The following SLC44A5 variants were observed in gnomAD, a reference collection of about 807,000 sequenced individuals.
The protein encoded by SLC44A5 is solute carrier family 44 member 5, also known as choline transporter-like protein 5.
In SLC44A5, 57 loss-of-function variants were observed where a neutral mutation model predicts 101.8. The ratio of observed to expected loss-of-function variants is 0.56; its 90% CI spans 0.45 to 0.70. SLC44A5 has a LOEUF of 0.70. Ranked by LOEUF, SLC44A5 falls within the 30% of genes least tolerant of loss-of-function variation. The probability of loss-of-function intolerance (pLI) is 0.00; values close to 1 mark genes in which losing one functional copy is unlikely to be tolerated. For synonymous variants in SLC44A5, 281 were observed against 290.9 expected, an observed-to-expected ratio of 0.97 and a Z score of 0.35; for missense variants, 737 against 853.1, an observed-to-expected ratio of 0.86 and a Z score of 1.70.
At chr1:75,719,318 A>G in the SLC44A5 span, among the ~76,000 whole-genome samples, 2 of 152,322 alleles carry the variant, frequency 1.3e-5, no homozygotes, top group African/African-American at 4.8e-5. Flanking sequence ...TGATAGTTCT[A>G]GCAAAGCCAA....
rs543845979 is a variant in SLC44A5 at position 75,360,409 on chromosome 1, AT to A, written c.53-20780del. ...GGTTTTGAACTCCTGGCTTCAAGTG[AT>A]CCTCCCACCTTGGCCTCTCAAAGTG... On this transcript the variant is annotated intron_variant, in intron 3 of 23. Transcript: ENST00000370859. 9.2e-3 allele frequency among the ~76,000 whole-genome samples: 1,395 copies of A among 152,152 alleles called. 27 individuals are homozygous for A. The highest frequency in any genetic ancestry group is 0.032 in the African/African-American group (1,336 of 41,498).
chr1:75,283,702 T>C (rs1652806424), intron 5 of SLC44A5, among the ~76,000 whole-genome samples: 1 of 152,170 alleles, frequency 6.6e-6, no homozygotes, highest in Non-Finnish European at 1.5e-5. Context: ...TCCAGTTTTA[T>C]TCTTCTACAT....
At chr1:75,654,779 A>G in the SLC44A5 span, among the ~76,000 whole-genome samples, 7 of 152,002 alleles carry the variant, frequency 4.6e-5, no homozygotes, top group Non-Finnish European at 7.4e-5. Context: ...CTTCCCCCCA[A>G]AACTTTTCCC....
chr1:75,639,275 T>C, the SLC44A5 span, among the ~76,000 whole-genome samples: 1 of 152,130 alleles, frequency 6.6e-6, no homozygotes, highest in Admixed American at 6.6e-5. Flanking sequence ...GAATCCACAA[T>C]GTATGTATAC....
At chr1:75,390,948 AAG>A in intron 3 of SLC44A5, among the ~76,000 whole-genome samples, 1 of 152,260 alleles carries the variant, frequency 6.6e-6, no homozygotes, top group South Asian at 2.1e-4. Flanking sequence ...GAAAACTCTA[AAG>A]ACTCTCTTGA....
intron 1 of SLC44A5, among the ~76,000 whole-genome samples, chr1:75,586,595 CA>C (rs780211506): frequency 1.8e-4 from 27 of 151,438 alleles, no homozygotes; most frequent in Middle Eastern, 6.9e-3. Flanking sequence ...ACTCCTTTCT[CA>C]ACAAGGCCTT....
Position 75,241,850 on chromosome 1 carries a change from A to G in SLC44A5, c.532+151T>C, listed in dbSNP as rs543483744. The G allele has an allele frequency of 3.6e-6, 2 of 560,256 alleles. 1 individual carries two copies. Among genetic ancestry groups the G allele is most frequent in the South Asian group, 5.6e-5 (2 of 35,966 alleles). The allele number at this position is 560,256 out of a possible 1,614,324, so 34.7% of individuals were successfully genotyped here. On this transcript the variant is annotated intron_variant, in intron 9 of 23. Transcript: ENST00000370859. ...TGGCTGGAGCCAAGAGATGAGCTCT[A>G]CTTTTGACTTTCCTGCTAATCAACT...
chr1:75,366,078 A>C (rs1659836491), intron 3 of SLC44A5, among the ~76,000 whole-genome samples: 1 of 152,218 alleles, frequency 6.6e-6, no homozygotes. Context: ...AGTGATTTAC[A>C]CACCACCATT....
the SLC44A5 span, among the ~76,000 whole-genome samples, chr1:75,622,730 T>C: frequency 1.3e-5 from 2 of 152,130 alleles, no homozygotes; most frequent in Non-Finnish European, 2.9e-5. Flanking sequence ...CAACTAGAAT[T>C]GGTTTCTTTA....
At chr1:75,699,680 G>A in the SLC44A5 span, among the ~76,000 whole-genome samples, 18 of 150,924 alleles carry the variant, frequency 1.2e-4, no homozygotes, top group East Asian at 3.5e-3. Context: ...ATGTAAATGA[G>A]CTAAATGCTC....
At chr1:75,322,713 A>AAAAC (rs373119442) in intron 4 of SLC44A5, among the ~76,000 whole-genome samples, 85 of 152,206 alleles carry the variant, frequency 5.6e-4, no homozygotes, top group African/African-American at 1.2e-3. Context: ...TCACTCAGCA[A>AAAAC]AAACAAACAA....
the SLC44A5 span, chr1:75,641,378 T>A: frequency 1.2e-6 from 1 of 847,366 alleles, no homozygotes; most frequent in Non-Finnish European, 2.0e-6. Flanking sequence ...CATAAACTCT[T>A]CATGTGTATA....
chr1:75,475,282 T>G (rs1461506321), intron 2 of SLC44A5, among the ~76,000 whole-genome samples: 5 of 152,150 alleles, frequency 3.3e-5, no homozygotes, highest in African/African-American at 1.2e-4. Context: ...ATAACAATCA[T>G]GATAGAAAAT....
chr1:75,414,463 C>A (rs951931515), intron 2 of SLC44A5, among the ~76,000 whole-genome samples: 4 of 151,986 alleles, frequency 2.6e-5, no homozygotes, highest in Non-Finnish European at 5.9e-5. Flanking sequence ...AAACACTATG[C>A]TAGGCACCAG....
At chr1:75,584,036 C>T (rs555134483) in intron 1 of SLC44A5, among the ~76,000 whole-genome samples, 2 of 152,334 alleles carry the variant, frequency 1.3e-5, no homozygotes, top group South Asian at 4.1e-4. Flanking sequence ...ATCTCCCATT[C>T]CACATGTTCT....
At chr1:75,647,927 A>G in the SLC44A5 span, among the ~76,000 whole-genome samples, 23 of 152,324 alleles carry the variant, frequency 1.5e-4, no homozygotes, top group African/African-American at 5.1e-4. Context: ...TAATGCTAAA[A>G]TGAGTTAAGT....
Position 75,300,597 on chromosome 1 carries a change from C to T in SLC44A5, c.175+15G>A. On this transcript the variant is annotated intron_variant, in intron 5 of 23. Coordinates refer to ENST00000370859, the MANE Select transcript of SLC44A5 (RefSeq NM_001130058.2). ...TAGCAAGTGTTAAATATTTTCTATA[C>T]CTGTATTTACTCACCCACAAGTCCT... 6.5e-7 allele frequency: 1 copy of T among 1,547,472 alleles called. No individual in the cohort carries two copies. The highest frequency in any genetic ancestry group is 8.8e-7 in the Non-Finnish European group (1 of 1,131,542).
chr1:75,246,017 G>A (rs372802101), intron 7 of SLC44A5, among the ~76,000 whole-genome samples: 80 of 152,202 alleles, frequency 5.3e-4, no homozygotes, highest in East Asian at 1.5e-3. Flanking sequence ...TAGATGCACC[G>A]TCTGGAAGAC....
At chr1:75,493,636 TAAAAAAACTATACCTA>T (rs1326895294) in intron 2 of SLC44A5, among the ~76,000 whole-genome samples, 3 of 152,046 alleles carry the variant, frequency 2.0e-5, no homozygotes, top group Non-Finnish European at 4.4e-5. Flanking sequence ...TAGCTTTTAA[TAAAAAAACTATACCTA>T]GCTAAACTGT....
Sources: gnomAD v4.1 joint callset for allele counts (sites outside exome capture counted in the v4.1 genomes callset) on GRCh38, gnomAD v4.1.1 for gene constraint, MANE v1.5 for transcripts, NCBI Gene and HGNC (gene_info 2026-07-23, HGNC 2026-07-21) for gene names.